The following RABEP2 variants were observed in gnomAD, a reference collection of about 807,000 sequenced individuals.
RABEP2 encodes rab GTPase-binding effector protein 2.
A neutral mutation model predicts 74.1 loss-of-function variants in RABEP2; 57 were observed. The ratio of observed to expected loss-of-function variants is 0.77; its 90% CI spans 0.62 to 0.96. The LOEUF (loss-of-function observed/expected upper bound fraction) is 0.96. RABEP2 is among the 40% of genes least tolerant of loss of function. The pLI, the probability that RABEP2 is intolerant of heterozygous loss-of-function variation, is 0.00. For missense variants in RABEP2, 692 were observed against 756.3 expected, an observed-to-expected ratio of 0.91 and a Z score of 1.00; for synonymous variants, 351 against 344.0, an observed-to-expected ratio of 1.02 and a Z score of -0.23.
At chr16:28,921,647 A>ATT (rs56325875) in intron 2 of RABEP2, among the ~76,000 whole-genome samples, 9 of 113,406 alleles carry the variant, frequency 7.9e-5, no homozygotes, top group Admixed American at 9.5e-5. Context: ...TAGAACATAG[A>ATT]TTTTTTTTTT....
rs761620404 is a variant in RABEP2 at position 28,905,905 on chromosome 16, A to T, written c.1424-27T>A. The T allele has an allele frequency of 1.9e-6, 3 of 1,613,424 alleles. No individual in the cohort carries two copies. The East Asian group carries it at 6.7e-5, about 36-fold the overall frequency. On this transcript the variant is annotated intron_variant, in intron 9 of 12. Transcript: ENST00000358201. ...TGTGGGAAGGAAAGAAAGAGAGGTC[A>T]AGGCCAGCCTCTCTCCCCTCCCCGC...
Position 28,904,601 on chromosome 16 carries a change from C to T in RABEP2, c.*342G>A, listed in dbSNP as rs1567493736. 8.5e-7 allele frequency: 1 copy of T among 1,178,182 alleles called. No homozygotes were observed. The highest frequency in any genetic ancestry group is 1.5e-5 in the African/African-American group (1 of 64,856). The allele number at this position is 1,178,182 out of a possible 1,614,324, so 73.0% of individuals were successfully genotyped here. On this transcript the variant is annotated 3_prime_UTR_variant, in exon 13 of 13. Coordinates refer to ENST00000358201, the MANE Select transcript of RABEP2 (RefSeq NM_024816.3). ...CTGCCTCTGATGGGGACTCCCAGCC[C>T]CCATGGCTCCGCTGTGCCCTGGGCA...
At chr16:28,907,060 G>C (rs1366773125) in intron 8 of RABEP2, among the ~76,000 whole-genome samples, 2 of 151,968 alleles carry the variant, frequency 1.3e-5, no homozygotes, top group African/African-American at 4.8e-5. Context: ...AAGACCGCAA[G>C]GGCAAAGCAG....
chr16:28,916,628 C>A (rs1184424774), intron 3 of RABEP2, among the ~76,000 whole-genome samples: 2 of 144,972 alleles, frequency 1.4e-5, no homozygotes, highest in Admixed American at 7.2e-5. Context: ...GCCAAGATCA[C>A]GTCACTGCAC....
intron 2 of RABEP2, among the ~76,000 whole-genome samples, chr16:28,920,784 T>G (rs1485052674): frequency 6.6e-6 from 1 of 152,180 alleles, no homozygotes; most frequent in Non-Finnish European, 1.5e-5. Flanking sequence ...GTTGGTGAGC[T>G]ACACCCATTA....
chr16:28,911,343 G>A (rs866153709), intron 5 of RABEP2, among the ~76,000 whole-genome samples, 164 bp from the exon 6 acceptor site: 3 of 152,116 alleles, frequency 2.0e-5, no homozygotes, highest in Non-Finnish European at 4.4e-5. Flanking sequence ...CCATCAGCAG[G>A]CCCTGCCAGG....
In RABEP2 at chr16:28,924,559, G is replaced by C. The variant is rs774915459; in HGVS notation, c.118C>G (p.Leu40Val). 2.2e-5 allele frequency: 35 copies of C among 1,613,664 alleles called. No homozygotes were observed. The highest frequency in any genetic ancestry group is 3.0e-5 in the Non-Finnish European group (35 of 1,180,030). ...GCCAGCTCAGCCCGAAGCCGGCTGAGCTCACCTGACTCGGCCTCACCATTT... is the reference window on the plus strand; with the variant it reads ...GCCAGCTCAGCCCGAAGCCGGCTGACCTCACCTGACTCGGCCTCACCATTT... ...GANGEAESGE[L>V]SRLRAELAGA... The change falls in exon 2 of 13, where the codon CTC becomes GTC. Residue 40 changes from leucine (L) to valine (V), a missense_variant. Leu to Val is a conservative substitution (Grantham distance 32, BLOSUM62 1). Transcript: ENST00000358201.
intron 8 of RABEP2, among the ~76,000 whole-genome samples, chr16:28,906,831 C>A (rs557402246): frequency 6.6e-6 from 1 of 152,106 alleles, no homozygotes; most frequent in African/African-American, 2.4e-5. Context: ...TGGTGGCCGG[C>A]GCCTGTAATC....
chr16:28,915,702 G>A (rs762908176), intron 3 of RABEP2, among the ~76,000 whole-genome samples: 4 of 151,672 alleles, frequency 2.6e-5, no homozygotes, highest in South Asian at 4.2e-4. Flanking sequence ...TCGCCACCAC[G>A]CCCGGCTAAT....
Position 28,925,141 on chromosome 16 carries a change from G to T in RABEP2, c.23C>A (p.Ala8Asp). 1 of 1,533,058 alleles carries T rather than the reference G, an allele frequency of 6.5e-7. No individual in the cohort carries two copies. Among genetic ancestry groups the T allele is most frequent in the Non-Finnish European group, 8.7e-7 (1 of 1,145,782 alleles). 95.0% of individuals were successfully genotyped at this position (1,533,058 alleles called of 1,614,324 possible). A position where few individuals can be genotyped will look rare whatever the true frequency, so the allele number is the denominator to read the frequency against. MAAAAPVAADDDERRRRP... is the reference protein window; with the variant it reads MAAAAPVDADDDERRRRP... The stretch of plus-strand genomic sequence containing the variant: ...CCGCCGCCGCTCATCGTCGTCCGCG[G>T]CCACCGGCGCAGCTGCCGCCATTGC... Residue 8 changes from alanine to aspartate, a missense_variant, in exon 1 of 13, where the codon GCC (alanine) becomes GAC (aspartate). By Grantham distance (126) the Ala-to-Asp change is moderately radical. Transcript: ENST00000358201.
chr16:28,914,492 A>G lies in RABEP2; in HGVS notation c.638T>C (p.Leu213Pro). The change falls in exon 5 of 13, where the codon CTG becomes CCG. Residue 213 changes from leucine (L) to proline (P), a missense_variant. Coordinates refer to ENST00000358201, the MANE Select transcript of RABEP2 (RefSeq NM_024816.3). Reference sequence around the variant, plus strand: ...AGCGGCTGGACCCCCATCTCCGCTCAGCTCCTCCAGAGGCTCCAGCGGGGG... The same window carrying G: ...AGCGGCTGGACCCCCATCTCCGCTCGGCTCCTCCAGAGGCTCCAGCGGGGG... ...PSPPLEPLEE[L>P]SGDGGPAAEA... The G allele has an allele frequency of 5.6e-6, 9 of 1,613,226 alleles. No individual in the cohort carries two copies. Among genetic ancestry groups the G allele is most frequent in the Non-Finnish European group, 7.6e-6 (9 of 1,179,794 alleles).
chr16:28,910,771 C>A (rs1021069436), intron 7 of RABEP2, 117 bp downstream of exon 7: 10 of 901,244 alleles, frequency 1.1e-5, no homozygotes, highest in Non-Finnish European at 1.7e-5. Flanking sequence ...CAGGGTGTGG[C>A]CTGAGCAGCT....
At chr16:28,924,356 C>A in intron 2 of RABEP2, 47 bp downstream of exon 2, 1 of 1,563,990 alleles carries the variant, frequency 6.4e-7, no homozygotes, top group Non-Finnish European at 8.7e-7. Flanking sequence ...GTCATGCACT[C>A]CCCAGTATGG....
chr16:28,914,108 G>A, intron 5 of RABEP2, 128 bp downstream of exon 5: 1 of 759,018 alleles, frequency 1.3e-6, no homozygotes, highest in South Asian at 1.9e-5. Flanking sequence ...GCCTTCACCA[G>A]GAGGGGGGCC....
rs996352350 is a variant in RABEP2, at chr16:28,905,779, G to A, written c.1436-20C>T. ...GGGAGGCTGGGAAGTCAGGGCAGGG[G>A]GAGACGTCAGGGCCATGCCCTCTCC... is the stretch of plus-strand genomic sequence containing the variant. On this transcript the variant is annotated intron_variant, in intron 10 of 12. Transcript: ENST00000358201. The A allele has an allele frequency of 6.2e-7, 1 of 1,613,962 alleles. No individual in the cohort carries two copies. Among genetic ancestry groups the A allele is most frequent in the Non-Finnish European group, 8.5e-7 (1 of 1,179,986 alleles).
intron 1 of RABEP2, 172 bp downstream of exon 1, chr16:28,924,931 T>C (rs1488151167): frequency 6.7e-6 from 6 of 889,518 alleles, no homozygotes; most frequent in Non-Finnish European, 9.0e-6. Context: ...ACCCCTTCAA[T>C]GGCCGGGCCA....
At position 28,925,153 on chromosome 16, in the gene RABEP2, G is replaced by A; in HGVS notation, c.11C>T (p.Ala4Val). The change falls in exon 1 of 13, where the codon GCT becomes GTT. Residue 4 changes from alanine (A) to valine (V), a missense_variant. By Grantham distance (64) the Ala-to-Val change is moderately conservative. Coordinates refer to ENST00000358201, the MANE Select transcript of RABEP2 (RefSeq NM_024816.3). Reference protein sequence around the residue: MAAAAPVAADDDER... With the variant: MAAVAPVAADDDER... ...ATCGTCGTCCGCGGCCACCGGCGCA[G>A]CTGCCGCCATTGCCTCAGCGCAAAC... The A allele has an allele frequency of 6.5e-7, 1 of 1,532,338 alleles. No homozygotes were observed. The highest frequency in any genetic ancestry group is 1.2e-5 in the South Asian group (1 of 83,906). The allele number at this position is 1,532,338 out of a possible 1,614,324, so 94.9% of individuals were successfully genotyped here.
intron 8 of RABEP2, among the ~76,000 whole-genome samples, chr16:28,907,518 T>C (rs1202157657): frequency 6.6e-6 from 1 of 152,124 alleles, no homozygotes; most frequent in Admixed American, 6.6e-5. Context: ...AGGCTGGTCT[T>C]GAACTCCTGG....
intron 2 of RABEP2, 50 bp downstream of exon 2, chr16:28,924,353 A>ACT (rs1365371045): frequency 1.3e-6 from 2 of 1,548,068 alleles, no homozygotes; most frequent in Non-Finnish European, 1.8e-6. Context: ...CTCGTCATGC[A>ACT]CTCCCCAGTA....
Sources: allele counts gnomAD v4.1 joint callset (sites outside exome capture counted in the v4.1 genomes callset), GRCh38; gene constraint gnomAD v4.1.1; transcripts MANE v1.5; gene names NCBI Gene and HGNC (gene_info 2026-07-23, HGNC 2026-07-21).